Variants in SLC10A7 observed in about 807,000 individuals in gnomAD.
SLC10A7 encodes the protein sodium/bile acid cotransporter 7.
Under a neutral mutation model 43.2 loss-of-function variants are expected in SLC10A7, and 29 were observed. The observed-to-expected ratio is 0.67, with a 90% CI of 0.50 to 0.92. The LOEUF is 0.92. Among genes scored for constraint, SLC10A7 ranks in the 40% least tolerant of loss-of-function variants. The probability of loss-of-function intolerance (pLI) is 0.00; values close to 1 mark genes in which losing one functional copy is unlikely to be tolerated. For missense variants in SLC10A7, 295 were observed against 403.2 expected (o/e 0.73, Z 2.30); for synonymous variants, 152 against 144.8 (o/e 1.05, Z -0.35).
At chr4:146,362,881 C>A in intron 5 of SLC10A7, among the ~76,000 whole-genome samples, 1 of 150,172 alleles carries the variant, frequency 6.7e-6, no homozygotes, top group Non-Finnish European at 1.5e-5. Context: ...AAGTAAAAAG[C>A]AAGAAATTAA....
chr4:146,442,881 C>G (rs981790899), intron 4 of SLC10A7, 60 bp from the exon 5 acceptor site: 62 of 1,151,050 alleles, frequency 5.4e-5, no homozygotes, highest in Non-Finnish European at 6.9e-5. Flanking sequence ...ATAATAAAGC[C>G]AAAGATTATC....
At chr4:146,314,154 A>G (rs1054212971) in intron 6 of SLC10A7, among the ~76,000 whole-genome samples, 1 of 152,136 alleles carries the variant, frequency 6.6e-6, no homozygotes, top group African/African-American at 2.4e-5. Flanking sequence ...AGCTTTTCTC[A>G]TATAAAGTGA....
intron 3 of SLC10A7, among the ~76,000 whole-genome samples, chr4:146,507,602 T>C (rs1044268165): frequency 6.6e-6 from 1 of 152,182 alleles, no homozygotes; most frequent in South Asian, 2.1e-4. Flanking sequence ...TCTGTCACCA[T>C]AACTAACTTT....
chr4:146,466,837 C>T (rs1045186957), intron 4 of SLC10A7, among the ~76,000 whole-genome samples: 2 of 152,208 alleles, frequency 1.3e-5, no homozygotes, highest in East Asian at 3.9e-4. Flanking sequence ...CTCCTAAATC[C>T]ATGCTCCCAT....
At chr4:146,401,414 C>A (rs1316374500) in intron 5 of SLC10A7, among the ~76,000 whole-genome samples, 4 of 152,136 alleles carry the variant, frequency 2.6e-5, no homozygotes, top group African/African-American at 2.4e-5. Flanking sequence ...AACAAAGGGG[C>A]AAACACACAG....
intron 4 of SLC10A7, among the ~76,000 whole-genome samples, chr4:146,458,760 G>C (rs1560928453): frequency 6.6e-6 from 1 of 151,722 alleles, no homozygotes; most frequent in Non-Finnish European, 1.5e-5. Context: ...AACCACTTTT[G>C]ATTTTGAGGG....
intron 7 of SLC10A7, among the ~76,000 whole-genome samples, chr4:146,304,382 T>C (rs1003125118): frequency 6.6e-5 from 10 of 151,886 alleles, no homozygotes; most frequent in Non-Finnish European, 1.0e-4. Context: ...TAGATGTCTG[T>C]TGTTGGTGCT....
intron 4 of SLC10A7, among the ~76,000 whole-genome samples, chr4:146,449,719 C>T (rs1448644090): frequency 6.6e-6 from 1 of 152,104 alleles, no homozygotes; most frequent in Non-Finnish European, 1.5e-5. Flanking sequence ...TGAAACAGAC[C>T]ATGCCCTCTT....
intron 10 of SLC10A7, among the ~76,000 whole-genome samples, chr4:146,275,911 T>C (rs1455591839): frequency 6.6e-6 from 1 of 151,840 alleles, no homozygotes; most frequent in Admixed American, 6.6e-5. Flanking sequence ...CATGAGAGGG[T>C]CCCTCAAAGC....
At chr4:146,304,926 G>A (rs1578837520) in intron 7 of SLC10A7, among the ~76,000 whole-genome samples, 1 of 151,900 alleles carries the variant, frequency 6.6e-6, no homozygotes, top group South Asian at 2.1e-4. Flanking sequence ...TTATGAATCT[G>A]GGTGCTCCTG....
intron 4 of SLC10A7, among the ~76,000 whole-genome samples, chr4:146,488,234 T>C (rs937043607): frequency 8.5e-5 from 13 of 152,188 alleles, no homozygotes; most frequent in African/African-American, 2.6e-4. Context: ...TTTCATAAGA[T>C]ATGCACAATA....
chr4:146,411,720 A>G (rs1728207378), intron 5 of SLC10A7, among the ~76,000 whole-genome samples: 1 of 152,110 alleles, frequency 6.6e-6, no homozygotes. Context: ...TCATTATATT[A>G]AAAGTGAAGA....
At chr4:146,312,353 T>G (rs941340109) in intron 6 of SLC10A7, among the ~76,000 whole-genome samples, 1 of 152,154 alleles carries the variant, frequency 6.6e-6, no homozygotes, top group African/African-American at 2.4e-5. Context: ...TGTTTTGATA[T>G]ACATATATAT....
chr4:146,270,876 C>T (rs919129626), intron 10 of SLC10A7, among the ~76,000 whole-genome samples: 2 of 152,146 alleles, frequency 1.3e-5, no homozygotes, highest in Non-Finnish European at 2.9e-5. Flanking sequence ...AGCACATGGG[C>T]GGTACCAAAT....
chr4:146,266,795 A>G (rs1325319489), intron 10 of SLC10A7, among the ~76,000 whole-genome samples: 1 of 152,212 alleles, frequency 6.6e-6, no homozygotes, highest in Non-Finnish European at 1.5e-5. Flanking sequence ...TCTCATGTCC[A>G]CCACCATTTA....
At chr4:146,460,841 T>C (rs796418885) in intron 4 of SLC10A7, among the ~76,000 whole-genome samples, 4 of 152,102 alleles carry the variant, frequency 2.6e-5, no homozygotes, top group African/African-American at 9.6e-5. Context: ...TTTTAGATCA[T>C]AAAAATTTTA....
chr4:146,275,609 C>T (rs995735167), intron 10 of SLC10A7, among the ~76,000 whole-genome samples: 3 of 152,058 alleles, frequency 2.0e-5, no homozygotes, highest in Non-Finnish European at 4.4e-5. Context: ...TGACCTACAC[C>T]AAGCTGGTCA....
intron 10 of SLC10A7, among the ~76,000 whole-genome samples, chr4:146,265,151 C>T (rs1728475226): frequency 1.3e-5 from 2 of 152,226 alleles, no homozygotes; most frequent in Admixed American, 6.5e-5. Context: ...TCCTTTAAGC[C>T]TTACAACAGA....
chr4:146,320,089 G>A (rs906870291), intron 6 of SLC10A7, among the ~76,000 whole-genome samples: 1 of 152,050 alleles, frequency 6.6e-6, no homozygotes, highest in Non-Finnish European at 1.5e-5. Context: ...GAGAAGGTGT[G>A]AAATGATCCT....
Sources: gnomAD v4.1 joint callset for allele counts (sites outside exome capture counted in the v4.1 genomes callset) on GRCh38, gnomAD v4.1.1 for gene constraint, MANE v1.5 for transcripts, NCBI Gene and HGNC (gene_info 2026-07-23, HGNC 2026-07-21) for gene names.